COL6A3: variants seen among roughly 807,000 people sequenced by gnomAD.
COL6A3 encodes the protein collagen type VI alpha 3 chain.
Under a neutral mutation model 274.1 loss-of-function variants are expected in COL6A3, and 137 were observed. The ratio of observed to expected loss-of-function variants is 0.50; its 90% confidence interval spans 0.44 to 0.58. The LOEUF (loss-of-function observed/expected upper bound fraction) is 0.58, where lower values mean the gene tolerates loss of function less well. COL6A3 is among the 20% of genes least tolerant of loss of function. The pLI is 0.00. For missense variants in COL6A3, 3,950 were observed against 4,124.9 expected, an observed-to-expected ratio of 0.96 and a Z score of 1.16; for synonymous variants, 1,650 against 1,650.6, an observed-to-expected ratio of 1.00 and a Z score of 0.01.
chr2:237,379,792 C>T (rs1163714814), intron 5 of COL6A3, among the ~76,000 whole-genome samples: 2 of 152,224 alleles, frequency 1.3e-5, no homozygotes, highest in African/African-American at 2.4e-5. Context: ...TCATTCTCCA[C>T]TGGGACTCTT....
intron 4 of COL6A3, chr2:237,386,538 T>C (rs112522653): frequency 1.3e-5 from 2 of 152,208 alleles, no homozygotes; most frequent in African/African-American, 4.8e-5. Flanking sequence ...TTTAGATGAT[T>C]GGTTGCAGAT....
chr2:237,369,328 C>T, intron 9 of COL6A3, 151 bp from the exon 10 acceptor site: 1 of 1,133,080 alleles, frequency 8.8e-7, no homozygotes, highest in Non-Finnish European at 1.2e-6. Context: ...TTGAAATTAG[C>T]CGTTAAAAAT....
intron 37 of COL6A3, 29 bp downstream of exon 37, chr2:237,342,036 C>A (rs1259750567): frequency 1.3e-6 from 2 of 1,584,520 alleles, no homozygotes; most frequent in Non-Finnish European, 8.7e-7. Flanking sequence ...TGCAGCTGAG[C>A]AGATCTTCCT....
Position 237,364,846 on chromosome 2 carries a change from CAT to C in COL6A3, c.5839-420_5839-419del, listed in dbSNP as rs1283198374. Among the ~76,000 whole-genome samples, 6 of 144,236 alleles carry C rather than the reference CAT, an allele frequency of 4.2e-5. No individual in the cohort carries two copies. Among genetic ancestry groups the C allele is most frequent in the East Asian group, 2.1e-4 (1 of 4,850 alleles). The allele number at this position is 144,236 out of a possible 152,430, so 94.6% of individuals were successfully genotyped here. A position where few individuals can be genotyped will look rare whatever the true frequency, so the allele number is the denominator to read the frequency against. ...GTGCATGTGTGGGTGTGTGGGTGTA[CAT>C]GTGTGTGGGTGCGTATGTGTGTGCA... is the stretch of plus-strand genomic sequence containing the variant. On this transcript the variant is annotated intron_variant, in intron 12 of 43. Coordinates refer to ENST00000295550, the MANE Select transcript of COL6A3 (RefSeq NM_004369.4). This position sits in a 1 kb window ranked among gnomAD's most constrained non-coding sequence, Gnocchi z 4.6.
Position 237,336,651 on chromosome 2 carries a change from G to C in COL6A3, c.8568-119C>G. On this transcript the variant is annotated intron_variant, in intron 39 of 43. Coordinates refer to ENST00000295550, the MANE Select transcript of COL6A3 (RefSeq NM_004369.4). The stretch of plus-strand genomic sequence containing the variant: ...CAAAATGCATGCAATAGTTTTTATA[G>C]ATTATGTATAGCAGTGCATATATTA... 7.9e-6 allele frequency: 8 copies of C among 1,009,918 alleles called. No individual in the cohort carries two copies. In the South Asian group the frequency reaches 1.2e-4, roughly 15 times the overall value. The allele number at this position is 1,009,918 out of a possible 1,614,324, so 62.6% of individuals were successfully genotyped here.
intron 17 of COL6A3, 58 bp from the exon 18 acceptor site, chr2:237,359,446 G>T: frequency 1.3e-6 from 2 of 1,583,362 alleles, no homozygotes; most frequent in Admixed American, 1.7e-5. Context: ...GGTCCCTCGG[G>T]CAGAAGAGGC....
chr2:237,349,824 C>T (rs991186649), intron 28 of COL6A3, among the ~76,000 whole-genome samples: 1 of 152,202 alleles, frequency 6.6e-6, no homozygotes, highest in African/African-American at 2.4e-5. Context: ...AGAAAAGCTT[C>T]ATCTAGTTAT....
intron 7 of COL6A3, 31 bp downstream of exon 7, chr2:237,376,741 T>C: frequency 6.2e-7 from 1 of 1,606,872 alleles, no homozygotes; most frequent in Non-Finnish European, 8.5e-7. Context: ...GAGAACTGAG[T>C]GGCAGAGCAA....
chr2:237,396,932 C>T, intron 1 of COL6A3, 85 bp from the exon 2 acceptor site: 1 of 902,118 alleles, frequency 1.1e-6, no homozygotes, highest in Non-Finnish European at 1.8e-6. Flanking sequence ...CTTTCTACGT[C>T]CTTTTTAGAC....
chr2:237,365,981 A>G lies in COL6A3; in HGVS notation c.5555T>C (p.Phe1852Ser), dbSNP rs148488423. ...GFDGSRDQNV[F>S]VAQKGFESKV... is the part of the protein sequence containing the mutation. ...GGACTCGAAGCCCTTCTGGGCCACA[A>G]AAACATTCTGGTCTCTAGAACCATC... Residue 1852 changes from phenylalanine to serine, a missense_variant, in exon 12 of 44, where the codon TTT becomes TCT. This residue lies in a region of COL6A3 where 632 missense variants were observed against 623.4 expected (regional missense o/e 1.01). Transcript: ENST00000295550. 1.1e-4 allele frequency: 182 copies of G among 1,614,038 alleles called. 2 individuals are homozygous for G. The South Asian group carries it at 1.8e-3, about 16-fold the overall frequency.
Position 237,374,786 on chromosome 2 carries a change from C to T in COL6A3, c.3305G>A (p.Gly1102Glu), listed in dbSNP as rs1222499085. 6.2e-7 allele frequency: 1 copy of T among 1,614,098 alleles called. No homozygotes were observed. Among genetic ancestry groups the T allele is most frequent in the Non-Finnish European group, 8.5e-7 (1 of 1,180,006 alleles). The change falls in exon 8 of 44, where the codon GGA becomes GAA. Residue 1102 changes from glycine (G) to glutamate (E), a missense_variant. Physicochemically the swap from Gly to Glu is moderately conservative, Grantham distance 98. Coordinates refer to ENST00000295550, the MANE Select transcript of COL6A3 (RefSeq NM_004369.4). The surrounding 1 kb of genome is among the most constrained non-coding windows in gnomAD (Gnocchi z 4.8). ...VNAVRQLTLL[G>E]GPTPNTGAAL... ...GGCCCCGGTGTTGGGGGTCGGCCCT[C>T]CCAGCAGGGTCAGCTGGCGGACAGC...
chr2:237,359,275 T>C (rs748309879), intron 18 of COL6A3, 25 bp from the exon 19 acceptor site: 30 of 1,614,136 alleles, frequency 1.9e-5, no homozygotes, highest in Non-Finnish European at 1.9e-5. Context: ...GGCGGACAGG[T>C]AAGTATAGAA....
At chr2:237,412,094 G>A (rs2078870171) in intron 1 of COL6A3, among the ~76,000 whole-genome samples, 1 of 152,226 alleles carries the variant, frequency 6.6e-6, no homozygotes, top group Non-Finnish European at 1.5e-5. Context: ...TGGGTAGCAA[G>A]AAACCCCCTA....
At chr2:237,334,190 G>A (rs1327688085) in intron 41 of COL6A3, among the ~76,000 whole-genome samples, 4 of 152,180 alleles carry the variant, frequency 2.6e-5, no homozygotes, top group African/African-American at 7.2e-5. Flanking sequence ...CTCCACCCCC[G>A]GGGCGGTGAG....
At chr2:237,387,160 C>G (rs955862149) in intron 4 of COL6A3, among the ~76,000 whole-genome samples, 1 of 152,202 alleles carries the variant, frequency 6.6e-6, no homozygotes, top group Non-Finnish European at 1.5e-5. Context: ...GAAAGATACT[C>G]TGTCTATGAG....
rs774254398 is a variant in COL6A3 at position 237,351,196 on chromosome 2, G to C, written c.6754-4C>G. The C allele has an allele frequency of 4.3e-6, 7 of 1,614,114 alleles. No individual in the cohort carries two copies. The Admixed American group carries it at 8.3e-5, about 19-fold the overall frequency. On this transcript the variant is annotated splice_region_variant and splice_polypyrimidine_tract_variant and intron_variant, in intron 26 of 43. Coordinates refer to ENST00000295550, the MANE Select transcript of COL6A3 (RefSeq NM_004369.4). ...CACCAGCGGCACCTCCGCTTCCCTGGAGCAGGAGGGGAGGAATGTGTCAGT... is the reference window on the plus strand; with the variant it reads ...CACCAGCGGCACCTCCGCTTCCCTGCAGCAGGAGGGGAGGAATGTGTCAGT...
rs1339568922 is a variant in COL6A3, at chr2:237,364,834, T to TAC, written c.5839-407_5839-406insGT. 3.5e-4 allele frequency among the ~76,000 whole-genome samples: 52 copies of TAC among 148,082 alleles called. No individual in the cohort carries two copies. Among genetic ancestry groups the TAC allele is most frequent in the African/African-American group, 1.0e-3 (41 of 40,244 alleles). ...GTGCACGTGTGTGTGCATGTGTGGG[T>TAC]GTGTGGGTGTACATGTGTGTGGGTG... On this transcript the variant is annotated intron_variant, in intron 12 of 43. Coordinates refer to ENST00000295550, the MANE Select transcript of COL6A3 (RefSeq NM_004369.4). The surrounding 1 kb of genome is among the most constrained non-coding windows in gnomAD (Gnocchi z 4.6).
chr2:237,333,155 C>T (rs957641086), intron 42 of COL6A3: 39 of 461,906 alleles, frequency 8.4e-5, no homozygotes, highest in Non-Finnish European at 1.4e-4. Context: ...CAAATCAACT[C>T]GAGTCCCAGT....
intron 40 of COL6A3, 123 bp downstream of exon 40, chr2:237,336,012 A>G: frequency 8.2e-7 from 1 of 1,224,120 alleles, no homozygotes; most frequent in Non-Finnish European, 1.2e-6. Flanking sequence ...TACATCATCC[A>G]GGTGTACAAG....
Sources: gnomAD v4.1 joint callset for allele counts (sites outside exome capture counted in the v4.1 genomes callset) on GRCh38, gnomAD v4.1.1 for gene constraint, gnomAD v4.1.1 regional missense constraint, Gnocchi (gnomAD v3.1) non-coding constraint, MANE v1.5 for transcripts, NCBI Gene and HGNC (gene_info 2026-07-23, HGNC 2026-07-21) for gene names.